Variants in IGFLR1 observed in about 807,000 individuals in gnomAD.
The protein encoded by IGFLR1 is IGF-like family receptor 1.
IGFLR1 carries 17 observed loss-of-function variants against 23.4 expected under a neutral mutation model. That is an observed-to-expected ratio of 0.73 (90% CI 0.50 to 1.09). IGFLR1 has a LOEUF of 1.09. Ranked by LOEUF, IGFLR1 falls within the 50% of genes least tolerant of loss-of-function variation. The pLI, the probability that IGFLR1 is intolerant of heterozygous loss-of-function variation, is 0.00. For synonymous variants in IGFLR1, 265 were observed against 210.7 expected (o/e 1.26, Z -2.23); for missense variants, 556 against 459.2 (o/e 1.21, Z -1.93).
At position 35,739,304 on chromosome 19, in the gene IGFLR1, G is replaced by C. The variant is rs1361766623; in HGVS notation, c.1044C>G (p.Gly348=). The C allele has an allele frequency of 1.3e-6, 2 of 1,598,684 alleles. No homozygotes were observed. Among genetic ancestry groups the C allele is most frequent in the African/African-American group, 2.7e-5 (2 of 74,670 alleles). ...ADALRVLSKL[G]SSGVCWA The stretch of plus-strand genomic sequence containing the variant: ...GTTAAGCCCAGCAAACCCCAGATGA[G>C]CCAAGCTTGGACAGCACCCGCAATG... Residue 348 remains glycine, a synonymous_variant, in exon 5 of 5, where the codon GGC becomes GGG. Coordinates refer to ENST00000246532, the MANE Select transcript of IGFLR1 (RefSeq NM_024660.4).
At position 35,739,072 on chromosome 19, in the gene IGFLR1, T is replaced by TTCCCAGAGGGGATTCTGGTG. The variant is rs1568387328; in HGVS notation, c.*188_*207dup. On this transcript the variant is annotated 3_prime_UTR_variant, in exon 5 of 5. Transcript: ENST00000246532. ...CAGCAACTGTCTGTAGCAGGGTTGTTTCCCAGAGGGGATTCTGGTGGCCCA... is the reference window on the plus strand; with the variant it reads ...CAGCAACTGTCTGTAGCAGGGTTGTTTCCCAGAGGGGATTCTGGTGTCCCAGAGGGGATTCTGGTGGCCCA... 1.7e-6 allele frequency: 1 copy of TTCCCAGAGGGGATTCTGGTG among 584,452 alleles called. No individual in the cohort carries two copies. Among genetic ancestry groups the TTCCCAGAGGGGATTCTGGTG allele is most frequent in the African/African-American group, 1.9e-5 (1 of 53,658 alleles). The allele number at this position is 584,452 out of a possible 1,614,324, so 36.2% of individuals were successfully genotyped here. A position where few individuals can be genotyped will look rare whatever the true frequency, so the allele number is the denominator to read the frequency against.
chr19:35,739,131 C>G lies in IGFLR1; in HGVS notation c.*149G>C, dbSNP rs112863416. The G allele has an allele frequency of 4.8e-3, 3,770 of 782,642 alleles. 115 individuals carry two copies. The African/African-American group carries it at 0.058, about 12-fold the overall frequency. 48.5% of individuals were successfully genotyped at this position (782,642 alleles called of 1,614,324 possible). On this transcript the variant is annotated 3_prime_UTR_variant, in exon 5 of 5. Coordinates refer to ENST00000246532, the MANE Select transcript of IGFLR1 (RefSeq NM_024660.4). ...TGGGGTCAGCCCTCCCACATGTGGC[C>G]CTGTGTGTATGTTGGAATAGGCCCT...
Position 35,739,044 on chromosome 19 carries a change from A to G in IGFLR1, c.*236T>C, listed in dbSNP as rs1051403767. On this transcript the variant is annotated 3_prime_UTR_variant, in exon 5 of 5. Coordinates refer to ENST00000246532, the MANE Select transcript of IGFLR1 (RefSeq NM_024660.4). The stretch of plus-strand genomic sequence containing the variant: ...TCTGTTACGGCTTCAGAACAACACA[A>G]CACAGCAACTGTCTGTAGCAGGGTT... 1.8e-6 allele frequency: 1 copy of G among 563,712 alleles called. No homozygotes were observed. The highest frequency in any genetic ancestry group is 3.1e-6 in the Non-Finnish European group (1 of 319,364). The allele number at this position is 563,712 out of a possible 1,614,324, so 34.9% of individuals were successfully genotyped here. A position where few individuals can be genotyped will look rare whatever the true frequency, so the allele number is the denominator to read the frequency against.
rs1970097724 is a variant in IGFLR1, at chr19:35,739,789, G to A, written c.642C>T (p.Ser214=). ...GGGCGCCTGGGGAGGACAGATGCGA[G>A]GAGGAAGGGGTGTGGGTGTTGGGGA... ...CGVPNTHTPS[S]SHLSSPGALE... is the part of the protein sequence containing the mutation. Residue 214 remains serine (S), a synonymous_variant, in exon 4 of 5, where the codon TCC becomes TCT. Coordinates refer to ENST00000246532, the MANE Select transcript of IGFLR1 (RefSeq NM_024660.4). 1 of 1,576,722 alleles carries A rather than the reference G, an allele frequency of 6.3e-7. No individual in the cohort carries two copies. The highest frequency in any genetic ancestry group is 8.6e-7 in the Non-Finnish European group (1 of 1,158,270).
chr19:35,739,190 G>A lies in IGFLR1; in HGVS notation c.*90C>T. On this transcript the variant is annotated 3_prime_UTR_variant, in exon 5 of 5. Coordinates refer to ENST00000246532, the MANE Select transcript of IGFLR1 (RefSeq NM_024660.4). ...GAAGAGCAGTGAGGCTATCTGTTGG[G>A]TCTTTGCCCAATTAGGATTGTACTT... The A allele has an allele frequency of 1.6e-6, 2 of 1,219,692 alleles. No individual in the cohort carries two copies. The highest frequency in any genetic ancestry group is 2.3e-6 in the Non-Finnish European group (2 of 883,410). 75.6% of individuals were successfully genotyped at this position (1,219,692 alleles called of 1,614,324 possible). A position where few individuals can be genotyped will look rare whatever the true frequency, so the allele number is the denominator to read the frequency against.
intron 1 of IGFLR1, 51 bp from the exon 2 acceptor site, chr19:35,741,274 G>A (rs77798499): frequency 0.027 from 41,413 of 1,533,424 alleles, 703 homozygotes; most frequent in Non-Finnish European, 0.032. Flanking sequence ...TGATGTGGGG[G>A]AACAGAATTC....
At position 35,740,569 on chromosome 19, in the gene IGFLR1, C is replaced by A. The variant is rs1457147672; in HGVS notation, c.158-5G>T. ...AGTTTTCCCGGAACTCATAGTCTAG[C>A]GGGAAAGCTGCGCTCCAGTGCGGCC... is the stretch of plus-strand genomic sequence containing the variant. On this transcript the variant is annotated splice_region_variant and splice_polypyrimidine_tract_variant and intron_variant, in intron 2 of 4. Coordinates refer to ENST00000246532, the MANE Select transcript of IGFLR1 (RefSeq NM_024660.4). The A allele has an allele frequency of 6.3e-7, 1 of 1,597,432 alleles. No homozygotes were observed.
chr19:35,740,544 A>C lies in IGFLR1; in HGVS notation c.178T>G (p.Cys60Gly). Residue 60 changes from cysteine (C) to glycine (G), a missense_variant, in exon 3 of 5, where the codon TGC (cysteine) becomes GGC (glycine). By Grantham distance (159) the Cys-to-Gly change is radical (BLOSUM62 -3). Transcript: ENST00000246532. ...AAATCGCCGTGGTCATTGAGTCCGC[A>C]GTTTTCCCGGAACTCATAGTCTAGC... Reference protein sequence around the residue: ...PCPDYEFRENCGLNDHGDFVT... With the variant: ...PCPDYEFRENGGLNDHGDFVT... 6.2e-7 allele frequency: 1 copy of C among 1,608,914 alleles called. No individual in the cohort carries two copies. The highest frequency in any genetic ancestry group is 1.1e-5 in the South Asian group (1 of 90,580).
rs1264833836 is a variant in IGFLR1, at chr19:35,741,028, G to C, written c.153C>G (p.Cys51Trp). 1 of 1,611,332 alleles carries C rather than the reference G, an allele frequency of 6.2e-7. No individual in the cohort carries two copies. ...SCLQRFGPPP[C>W]PDYEFRENCG... The stretch of plus-strand genomic sequence containing the variant: ...GGCTCGGTCTCGGATTCTCACCCGG[G>C]CAGGGGGGCGGCCCGAAGCGTTGCA... The change falls in exon 2 of 5, where the codon TGC becomes TGG. Residue 51 changes from cysteine to tryptophan, a missense_variant. Transcript: ENST00000246532.
Position 35,739,595 on chromosome 19 carries a change from A to G in IGFLR1, c.753T>C (p.Ser251=), listed in dbSNP as rs747922341. ...ELSSLASQPL[S]RLLDELEVLE... is the part of the protein sequence containing the mutation. ...GCACCTCCAGCTCATCCAGGAGGCGAGACAGGGGTTGTGACGCCAGACTGG... is the reference window on the plus strand; with the variant it reads ...GCACCTCCAGCTCATCCAGGAGGCGGGACAGGGGTTGTGACGCCAGACTGG... The change falls in exon 5 of 5, where the codon TCT becomes TCC. Residue 251 remains serine, a synonymous_variant. Coordinates refer to ENST00000246532, the MANE Select transcript of IGFLR1 (RefSeq NM_024660.4). The G allele has an allele frequency of 6.2e-7, 1 of 1,613,608 alleles. No individual in the cohort carries two copies. Among genetic ancestry groups the G allele is most frequent in the African/African-American group, 1.3e-5 (1 of 75,008 alleles).
rs745422989 is a variant in IGFLR1 at position 35,739,070 on chromosome 19, G to A, written c.*210C>T. ...CACAGCAACTGTCTGTAGCAGGGTT[G>A]TTTCCCAGAGGGGATTCTGGTGGCC... On this transcript the variant is annotated 3_prime_UTR_variant, in exon 5 of 5. Transcript: ENST00000246532. The A allele has an allele frequency of 3.3e-5, 19 of 583,758 alleles. No homozygotes were observed. Among genetic ancestry groups the A allele is most frequent in the African/African-American group, 7.5e-5 (4 of 53,668 alleles). 36.2% of individuals were successfully genotyped at this position (583,758 alleles called of 1,614,324 possible).
chr19:35,739,786 C>T lies in IGFLR1; in HGVS notation c.645G>A (p.Ser215=), dbSNP rs191751735. ...CCAGGGCGCCTGGGGAGGACAGATGCGAGGAGGAAGGGGTGTGGGTGTTGG... is the reference window on the plus strand; with the variant it reads ...CCAGGGCGCCTGGGGAGGACAGATGTGAGGAGGAAGGGGTGTGGGTGTTGG... ...GVPNTHTPSS[S]HLSSPGALET... Residue 215 remains serine (S), a synonymous_variant, in exon 4 of 5, where the codon TCG becomes TCA. Coordinates refer to ENST00000246532, the MANE Select transcript of IGFLR1 (RefSeq NM_024660.4). 51 of 1,573,110 alleles carry T rather than the reference C, an allele frequency of 3.2e-5. No individual in the cohort carries two copies. The Admixed American group carries it at 6.0e-4, about 18-fold the overall frequency.
rs760875278 is a variant in IGFLR1 at position 35,739,490 on chromosome 19, G to A, written c.858C>T (p.Ala286=). 3.7e-6 allele frequency: 6 copies of A among 1,613,858 alleles called. No homozygotes were observed. The highest frequency in any genetic ancestry group is 2.2e-5 in the East Asian group (1 of 44,898). The change falls in exon 5 of 5, where the codon GCC becomes GCT. Residue 286 remains alanine, a synonymous_variant. Transcript: ENST00000246532. ...GMAHGTTRHL[A]ARYGLPAAWS... Reference sequence around the variant, plus strand: ...AGGCAGCAGGCAGCCCATATCTTGCGGCCAGGTGTCGAGTAGTGCCATGGG... The same window carrying A: ...AGGCAGCAGGCAGCCCATATCTTGCAGCCAGGTGTCGAGTAGTGCCATGGG...
At chr19:35,740,613 C>T in intron 2 of IGFLR1, 49 bp from the exon 3 acceptor site, 3 of 1,532,340 alleles carry the variant, frequency 2.0e-6, no homozygotes, top group Non-Finnish European at 2.7e-6. Context: ...CGCCCCTGCG[C>T]GGGCAACGCC....
chr19:35,741,671 A>AAC (rs1555736645), intron 1 of IGFLR1: 8 of 156,438 alleles, frequency 5.1e-5, no homozygotes, highest in African/African-American at 1.7e-4. Flanking sequence ...AAAAAAAAAA[A>AAC]AAAAAAAAAA....
rs1313938321 is a variant in IGFLR1, at chr19:35,741,205, T to C, written c.-25A>G. The C allele has an allele frequency of 6.2e-7, 1 of 1,609,626 alleles. No individual in the cohort carries two copies. The highest frequency in any genetic ancestry group is 1.7e-5 in the Admixed American group (1 of 59,600). On this transcript the variant is annotated 5_prime_UTR_variant, in exon 2 of 5. Coordinates refer to ENST00000246532, the MANE Select transcript of IGFLR1 (RefSeq NM_024660.4). ...TCTGGGGGGCCGTGATAGCGGGACT[T>C]CCAAACACAGCGCCTCTGCTACACT...
chr19:35,740,925 A>G (rs1970192742), intron 2 of IGFLR1, 99 bp downstream of exon 2: 4 of 1,190,156 alleles, frequency 3.4e-6, no homozygotes, highest in Non-Finnish European at 4.8e-6. Flanking sequence ...TAGACCCCTA[A>G]GCAAGCCTCT....
chr19:35,742,250 C>G, intron 1 of IGFLR1, 146 bp downstream of exon 1: 1 of 568,876 alleles, frequency 1.8e-6, no homozygotes, highest in Non-Finnish European at 2.8e-6. Flanking sequence ...AGACCACCTC[C>G]CAGCACCTCA....
At chr19:35,740,847 C>T (rs1021199475) in intron 2 of IGFLR1, 177 bp downstream of exon 2, 88 of 675,756 alleles carry the variant, frequency 1.3e-4, no homozygotes, top group Non-Finnish European at 2.0e-4. Context: ...TGTTGCCCTA[C>T]GGTAGCCCGC....
Sources: allele counts gnomAD v4.1 joint callset, GRCh38; gene constraint gnomAD v4.1.1; transcripts MANE v1.5; gene names NCBI Gene and HGNC (gene_info 2026-07-23, HGNC 2026-07-21).